Variants in ADK observed in about 807,000 individuals in gnomAD.
The protein encoded by ADK is N6,N6-dimethyladenosine kinase.
In ADK, 24 loss-of-function variants were observed where a neutral mutation model predicts 44.7. The ratio of observed to expected loss-of-function variants is 0.54; its 90% CI spans 0.39 to 0.76. ADK has a LOEUF of 0.76. Among genes scored for constraint, ADK ranks in the 30% least tolerant of loss-of-function variants. The pLI, the probability that ADK is intolerant of heterozygous loss-of-function variation, is 0.00. For missense variants in ADK, 321 were observed against 425.1 expected (o/e 0.76, Z 2.15); for synonymous variants, 128 against 142.6 (o/e 0.90, Z 0.73).
chr10:74,501,029 A>G (rs906123507), intron 6 of ADK, among the ~76,000 whole-genome samples: 1 of 152,242 alleles, frequency 6.6e-6, no homozygotes, highest in African/African-American at 2.4e-5. Flanking sequence ...ACCACTCTGA[A>G]GGATATAAAC....
At chr10:74,195,707 C>CTTTTTTTTTTTTTTTTTTTTT (rs71475265) in intron 1 of ADK, among the ~76,000 whole-genome samples, 18 of 97,528 alleles carry the variant, frequency 1.8e-4, no homozygotes, top group Non-Finnish European at 3.1e-4. Context: ...TCTTTTCTTT[C>CTTTTTTTTTTTTTTTTTTTTT]TTTTTTTTTT....
At chr10:74,293,165 CAAAAAAAAAAAAAAA>C (rs59635944) in intron 3 of ADK, among the ~76,000 whole-genome samples, 1 of 79,160 alleles carries the variant, frequency 1.3e-5, no homozygotes, top group Non-Finnish European at 2.2e-5. Flanking sequence ...AACCCTGTCT[CAAAAAAAAAAAAAAA>C]AAAAAAAAAA....
intron 7 of ADK, among the ~76,000 whole-genome samples, chr10:74,558,631 A>G (rs1451689649): frequency 6.6e-6 from 1 of 152,180 alleles, no homozygotes; most frequent in Non-Finnish European, 1.5e-5. Context: ...CTATGAGTCA[A>G]CTAAACCTCT....
chr10:74,617,371 T>C (rs542469796), intron 9 of ADK, among the ~76,000 whole-genome samples: 1 of 152,322 alleles, frequency 6.6e-6, no homozygotes, highest in African/African-American at 2.4e-5. Context: ...CTAAGAGTTT[T>C]TGTTTTGTTC....
intron 6 of ADK, among the ~76,000 whole-genome samples, chr10:74,451,241 A>C (rs545625204): frequency 3.9e-5 from 6 of 151,976 alleles, no homozygotes; most frequent in Non-Finnish European, 2.9e-5. Flanking sequence ...GGGAGAGAGC[A>C]AAAAGTATTC....
intron 9 of ADK, among the ~76,000 whole-genome samples, chr10:74,663,706 A>G (rs984715028): frequency 6.6e-6 from 1 of 152,214 alleles, no homozygotes; most frequent in African/African-American, 2.4e-5. Context: ...AAGATTTCCA[A>G]ATAAAAAGAC....
At chr10:74,249,126 T>C (rs751033703) in intron 3 of ADK, among the ~76,000 whole-genome samples, 4 of 152,198 alleles carry the variant, frequency 2.6e-5, no homozygotes, top group Non-Finnish European at 5.9e-5. Context: ...AGTTATAGGG[T>C]TCTTTGGAAT....
intron 6 of ADK, among the ~76,000 whole-genome samples, chr10:74,521,335 T>G (rs1848825728): frequency 3.9e-5 from 6 of 152,158 alleles, no homozygotes. Flanking sequence ...CATCATACTA[T>G]CCATATCACA....
At chr10:74,578,150 A>C (rs1416679146) in intron 7 of ADK, among the ~76,000 whole-genome samples, 3 of 152,172 alleles carry the variant, frequency 2.0e-5, no homozygotes, top group Non-Finnish European at 4.4e-5. Context: ...AGTGGAAGGA[A>C]TTATTAGAAA....
intron 9 of ADK, among the ~76,000 whole-genome samples, chr10:74,604,098 T>G (rs1003422582): frequency 2.0e-5 from 3 of 152,180 alleles, no homozygotes; most frequent in South Asian, 2.1e-4. Context: ...GATGTGGTTG[T>G]TTGTTCGTTT....
At chr10:74,167,831 TG>T (rs1216243116) in intron 1 of ADK, among the ~76,000 whole-genome samples, 1 of 152,252 alleles carries the variant, frequency 6.6e-6, no homozygotes, top group Non-Finnish European at 1.5e-5. Context: ...TAGAAAAACA[TG>T]ACTGAATTAT....
intron 3 of ADK, among the ~76,000 whole-genome samples, chr10:74,292,557 T>G (rs905205840): frequency 2.4e-4 from 36 of 152,196 alleles, no homozygotes; most frequent in Admixed American, 4.6e-4. Flanking sequence ...GTCCCAACAC[T>G]GAACTCCTAA....
chr10:74,177,858 A>G (rs2132071916), intron 1 of ADK, among the ~76,000 whole-genome samples: 1 of 151,046 alleles, frequency 6.6e-6, no homozygotes, highest in East Asian at 1.9e-4. Flanking sequence ...CAGCTTGGGA[A>G]CCTAACCCTC....
chr10:74,453,215 G>A (rs1174857254), intron 6 of ADK, among the ~76,000 whole-genome samples: 3 of 151,960 alleles, frequency 2.0e-5, no homozygotes, highest in African/African-American at 4.8e-5. Flanking sequence ...TAAAATAAAA[G>A]TCCACCTAAT....
chr10:74,579,188 C>G (rs767058068), intron 7 of ADK, among the ~76,000 whole-genome samples: 1 of 150,904 alleles, frequency 6.6e-6, no homozygotes, highest in Non-Finnish European at 1.5e-5. Context: ...GAGCTGAGAT[C>G]ATGCCACTGC....
intron 9 of ADK, among the ~76,000 whole-genome samples, chr10:74,605,218 A>G (rs750067101): frequency 1.3e-5 from 2 of 152,156 alleles, no homozygotes; most frequent in African/African-American, 2.4e-5. Flanking sequence ...CTCTCTTCCT[A>G]TTTGAATACC....
At chr10:74,202,582 CA>C (rs1843434739) in intron 2 of ADK, among the ~76,000 whole-genome samples, 1 of 152,180 alleles carries the variant, frequency 6.6e-6, no homozygotes, top group East Asian at 1.9e-4. Context: ...TTCCTACCGG[CA>C]GTGCATAAGT....
chr10:74,708,966 A>T lies in ADK; in HGVS notation c.*521A>T, dbSNP rs530342207. On this transcript the variant is annotated 3_prime_UTR_variant, in exon 11 of 11. Coordinates refer to ENST00000539909, the MANE Select transcript of ADK (RefSeq NM_006721.4). ...AAGGTACAGAAATTTTATCTTGTCA[A>T]TTATGCCAAATAATCTCTTTAATGT... 1 of 155,674 alleles carries T rather than the reference A, an allele frequency of 6.4e-6. No individual in the cohort carries two copies. The highest frequency in any genetic ancestry group is 2.4e-5 in the African/African-American group (1 of 41,462). 9.6% of individuals were successfully genotyped at this position (155,674 alleles called of 1,614,324 possible). A position where few individuals can be genotyped will look rare whatever the true frequency, so the allele number is the denominator to read the frequency against.
At chr10:74,545,306 C>T (rs796188320) in intron 7 of ADK, among the ~76,000 whole-genome samples, 26 of 152,218 alleles carry the variant, frequency 1.7e-4, no homozygotes, top group African/African-American at 5.3e-4. Flanking sequence ...TAGGAATCTG[C>T]GGTATGTTTT....
Sources: allele counts gnomAD v4.1 joint callset (sites outside exome capture counted in the v4.1 genomes callset), GRCh38; gene constraint gnomAD v4.1.1; transcripts MANE v1.5; gene names NCBI Gene and HGNC (gene_info 2026-07-23, HGNC 2026-07-21).